The following JAKMIP3 variants were observed in gnomAD, a reference collection of about 807,000 sequenced individuals.
JAKMIP3 encodes Janus kinase and microtubule interacting protein 3.
Under a neutral mutation model 118.5 loss-of-function variants are expected in JAKMIP3, and 58 were observed. That is an observed-to-expected ratio of 0.49 (90% CI 0.40 to 0.61). The LOEUF (loss-of-function observed/expected upper bound fraction) is 0.61, where lower values mean the gene tolerates loss of function less well. JAKMIP3 is among the 20% of genes least tolerant of loss of function. The probability of loss-of-function intolerance (pLI) is 0.00; values close to 1 mark genes in which losing one functional copy is unlikely to be tolerated. For missense variants in JAKMIP3, 950 were observed against 1,109.0 expected (o/e 0.86, Z 2.04); for synonymous variants, 486 against 451.2 (o/e 1.08, Z -0.98).
intron 13 of JAKMIP3, among the ~76,000 whole-genome samples, chr10:132,146,177 G>A (rs953604609): frequency 4.3e-5 from 6 of 138,576 alleles, no homozygotes; most frequent in African/African-American, 1.4e-4. Flanking sequence ...TTTGTGGTCT[G>A]GAAGACTATC....
At chr10:132,096,603 G>A (rs556379167) in intron 1 of JAKMIP3, among the ~76,000 whole-genome samples, 7 of 152,154 alleles carry the variant, frequency 4.6e-5, no homozygotes, top group African/African-American at 1.7e-4. Flanking sequence ...TTTCCTTGAT[G>A]AAAAAGTTGT....
chr10:132,056,080 T>C (rs2038229395), intron 1 of JAKMIP3, among the ~76,000 whole-genome samples: 1 of 152,176 alleles, frequency 6.6e-6, no homozygotes, highest in African/African-American at 2.4e-5. Flanking sequence ...GCCTGCTTGT[T>C]TGTGGTCAGT....
In JAKMIP3 at chr10:132,163,332, C is replaced by A; in HGVS notation, c.2344C>A (p.Arg782Ser). Residue 782 changes from arginine (R) to serine (S), a missense_variant, in exon 20 of 24, where the codon CGC (arginine) becomes AGC (serine). Coordinates refer to ENST00000684848, the MANE Select transcript of JAKMIP3 (RefSeq NM_001323087.2). The stretch of plus-strand genomic sequence containing the variant: ...CAAGGTGGCCGTGGAGCAGTGGAAG[C>A]GCCAGGTCATGAGTGAGCTGCGCGA... ...KLKVAVEQWK[R>S]QVMSELRERD... The A allele has an allele frequency of 6.2e-7, 1 of 1,609,792 alleles. No individual in the cohort carries two copies.
chr10:132,100,990 A>G (rs1470716573), intron 1 of JAKMIP3, among the ~76,000 whole-genome samples: 1 of 152,098 alleles, frequency 6.6e-6, no homozygotes, highest in African/African-American at 2.4e-5. Flanking sequence ...TAAACTCAAT[A>G]TAGTTACCGT....
At chr10:132,126,425 C>T (rs2814187) in intron 3 of JAKMIP3, among the ~76,000 whole-genome samples, 79,988 of 151,714 alleles carry the variant, frequency 0.53, 21,197 homozygotes, top group Middle Eastern at 0.56. Context: ...ACCTCAGCCT[C>T]CTGAGTAGCT....
intron 1 of JAKMIP3, among the ~76,000 whole-genome samples, chr10:132,054,438 G>T (rs1280649765): frequency 1.3e-5 from 2 of 152,298 alleles, no homozygotes; most frequent in South Asian, 4.2e-4. Context: ...TCACTCACCT[G>T]CAGGGGTGCA....
chr10:132,082,103 C>A (rs1003265144), intron 1 of JAKMIP3, among the ~76,000 whole-genome samples: 12 of 150,750 alleles, frequency 8.0e-5, no homozygotes, highest in Admixed American at 5.9e-4. Flanking sequence ...TATTATTTTG[C>A]TTCCCATTGA....
chr10:132,147,395 C>T (rs2054836359), intron 13 of JAKMIP3, among the ~76,000 whole-genome samples: 1 of 152,192 alleles, frequency 6.6e-6, no homozygotes, highest in Non-Finnish European at 1.5e-5. Flanking sequence ...GTGGGGGACT[C>T]CTGCATCCGG....
intron 1 of JAKMIP3, among the ~76,000 whole-genome samples, chr10:132,038,617 T>C (rs532149197): frequency 6.6e-6 from 1 of 152,066 alleles, no homozygotes; most frequent in Non-Finnish European, 1.5e-5. Context: ...GCCAACATAG[T>C]GAATCCCTGT....
At chr10:132,063,693 A>C (rs2038488733), upstream of JAKMIP3, among the ~76,000 whole-genome samples, 1 of 152,250 alleles carries the variant, frequency 6.6e-6, no homozygotes, top group African/African-American at 2.4e-5. Context: ...CGTTTACTGC[A>C]GGAATCAAAA....
chr10:132,161,037 CTG>C (rs2058167625), intron 19 of JAKMIP3, among the ~76,000 whole-genome samples: 1 of 113,176 alleles, frequency 8.8e-6, no homozygotes, highest in Admixed American at 9.2e-5. Flanking sequence ...GGGCCTCTTC[CTG>C]TGTGATGCTG....
At chr10:132,124,245 G>A (rs1033126002) in intron 3 of JAKMIP3, among the ~76,000 whole-genome samples, 18 of 152,216 alleles carry the variant, frequency 1.2e-4, no homozygotes, top group African/African-American at 4.1e-4. Flanking sequence ...CGTCACAGCC[G>A]AGCCGGCCAC....
rs201838731 is a variant in JAKMIP3 at position 132,080,503 on chromosome 10, A to ATTTTTTTTTTTTTT, written c.-138+14465_-138+14478dup. On this transcript the variant is annotated intron_variant, in intron 1 of 23. Coordinates refer to ENST00000684848, the MANE Select transcript of JAKMIP3 (RefSeq NM_001323087.2). ...TATTTTCTTGCTGTCAAGTTATAGG[A>ATTTTTTTTTTTTTT]TTTTTTTTTTTTTTTTTTTTTTTTT... 9.7e-5 allele frequency among the ~76,000 whole-genome samples: 6 copies of ATTTTTTTTTTTTTT among 61,580 alleles called. 2 individuals carry two copies. The highest frequency in any genetic ancestry group is 2.8e-4 in the African/African-American group (4 of 14,266). The allele number at this position is 61,580 out of a possible 152,430, so 40.4% of individuals were successfully genotyped here.
chr10:132,180,032 G>A (rs74161737), intron 23 of JAKMIP3, among the ~76,000 whole-genome samples: 16 of 152,202 alleles, frequency 1.1e-4, no homozygotes, highest in African/African-American at 3.9e-4. Flanking sequence ...TTGATTTGGG[G>A]GCTACTCAGT....
intron 1 of JAKMIP3, among the ~76,000 whole-genome samples, chr10:132,097,376 A>G (rs2044027243): frequency 6.6e-6 from 1 of 152,036 alleles, no homozygotes. Context: ...GTCACCACCC[A>G]GCAGTGAGAA....
At chr10:132,101,086 G>T (rs2044823004) in intron 1 of JAKMIP3, among the ~76,000 whole-genome samples, 1 of 152,374 alleles carries the variant, frequency 6.6e-6, no homozygotes, top group Non-Finnish European at 1.5e-5. Flanking sequence ...AGGGTGGCCA[G>T]TGCGGGACCC....
At chr10:132,065,921 T>C (rs2038692637), upstream of JAKMIP3, among the ~76,000 whole-genome samples, 1 of 152,000 alleles carries the variant, frequency 6.6e-6, no homozygotes, top group African/African-American at 2.4e-5. The surrounding 1 kb of genome is among the most constrained non-coding windows in gnomAD (Gnocchi z 5.6). Flanking sequence ...ATCTGAAAAA[T>C]AAAAGCCGAG....
At chr10:132,173,683 G>GGT (rs2059848222) in intron 23 of JAKMIP3, among the ~76,000 whole-genome samples, 1 of 151,740 alleles carries the variant, frequency 6.6e-6, no homozygotes, top group Non-Finnish European at 1.5e-5. Flanking sequence ...GTATGCTTGT[G>GGT]GTGGTGTGTG....
intron 19 of JAKMIP3, among the ~76,000 whole-genome samples, chr10:132,156,069 C>T (rs986954287): frequency 3.9e-5 from 6 of 152,268 alleles, no homozygotes; most frequent in African/African-American, 1.4e-4. Context: ...AAAGCAGAGG[C>T]CCCTCAGTGC....
Sources: allele counts gnomAD v4.1 joint callset (sites outside exome capture counted in the v4.1 genomes callset), GRCh38; gene constraint gnomAD v4.1.1; non-coding constraint Gnocchi (gnomAD v3.1); transcripts MANE v1.5; gene names NCBI Gene and HGNC (gene_info 2026-07-23, HGNC 2026-07-21).